Variants in ACTR3C observed in about 807,000 individuals in gnomAD.
ACTR3C encodes the protein actin related protein 3C, also known as actin-related protein 3C.
A neutral mutation model predicts 26.3 loss-of-function variants in ACTR3C; 18 were observed. The observed-to-expected ratio is 0.68, with a 90% confidence interval of 0.47 to 1.01. ACTR3C has a LOEUF of 1.01. ACTR3C is among the 50% of genes least tolerant of loss of function. The pLI is 0.00. For synonymous variants in ACTR3C, 55 were observed against 94.5 expected, an observed-to-expected ratio of 0.58 and a Z score of 2.42; for missense variants, 184 against 250.7, an observed-to-expected ratio of 0.73 and a Z score of 1.80.
At chr7:150,196,708 G>T in the ACTR3C span, among the ~76,000 whole-genome samples, 1 of 151,862 alleles carries the variant, frequency 6.6e-6, no homozygotes, top group Non-Finnish European at 1.5e-5. Context: ...CCTACTCCTT[G>T]GCCTTTCTTT....
chr7:150,317,911 G>A (rs74936507), intron 1 of ACTR3C, among the ~76,000 whole-genome samples: 1 of 151,912 alleles, frequency 6.6e-6, no homozygotes, highest in East Asian at 1.9e-4. Context: ...TCCTTGCAAG[G>A]AGGAGGAAAG....
At chr7:150,008,125 CT>C in the ACTR3C span, among the ~76,000 whole-genome samples, 3 of 152,230 alleles carry the variant, frequency 2.0e-5, no homozygotes, top group Non-Finnish European at 4.4e-5. Context: ...AAATGTTGGA[CT>C]TGCATTCAGC....
At chr7:150,101,478 A>G in the ACTR3C span, among the ~76,000 whole-genome samples, 1 of 151,736 alleles carries the variant, frequency 6.6e-6, no homozygotes, top group Non-Finnish European at 1.5e-5. Context: ...ACTCAGAAGC[A>G]TTGATACTGC....
chr7:150,147,210 A>G, the ACTR3C span, among the ~76,000 whole-genome samples: 1 of 152,222 alleles, frequency 6.6e-6, no homozygotes, highest in African/African-American at 2.4e-5. Context: ...AGAACTAAGT[A>G]ACGTGATTAT....
intron 1 of ACTR3C, among the ~76,000 whole-genome samples, chr7:150,305,863 C>T (rs1252334847): frequency 6.6e-6 from 1 of 152,176 alleles, no homozygotes; most frequent in Non-Finnish European, 1.5e-5. Flanking sequence ...ATTCTGTGAG[C>T]TCCTGTGGGG....
chr7:150,124,945 A>G, the ACTR3C span, among the ~76,000 whole-genome samples: 1 of 152,210 alleles, frequency 6.6e-6, no homozygotes, highest in African/African-American at 2.4e-5. Flanking sequence ...AGGCTAAGAG[A>G]GGTTTCATAA....
the ACTR3C span, among the ~76,000 whole-genome samples, chr7:150,222,939 C>T: frequency 6.6e-6 from 1 of 152,178 alleles, no homozygotes; most frequent in Admixed American, 6.5e-5. Flanking sequence ...TTTTCCTTTG[C>T]TTTCTTTTAT....
the ACTR3C span, among the ~76,000 whole-genome samples, chr7:149,946,158 C>A: frequency 6.6e-6 from 1 of 152,332 alleles, no homozygotes; most frequent in East Asian, 1.9e-4. Context: ...CATGGAGGAC[C>A]TGGCCTGGGC....
chr7:149,904,716 G>C, the ACTR3C span, among the ~76,000 whole-genome samples: 67,978 of 145,644 alleles, frequency 0.47, 18,074 homozygotes, highest in South Asian at 0.72. Context: ...ATAATCAAGG[G>C]CGGGCACAGT....
chr7:150,199,783 G>A, the ACTR3C span, among the ~76,000 whole-genome samples: 19 of 144,534 alleles, frequency 1.3e-4, no homozygotes, highest in East Asian at 3.8e-3. Flanking sequence ...ATTGTGTGAG[G>A]TAACAGATGT....
the ACTR3C span, among the ~76,000 whole-genome samples, chr7:150,148,904 C>T: frequency 6.6e-6 from 1 of 151,464 alleles, no homozygotes; most frequent in South Asian, 2.1e-4. Context: ...CTAGTGCTGG[C>T]GTTGCCCCCT....
At chr7:150,121,880 T>G in the ACTR3C span, among the ~76,000 whole-genome samples, 9 of 152,212 alleles carry the variant, frequency 5.9e-5, no homozygotes, top group African/African-American at 1.7e-4. Flanking sequence ...GCAAAACAGA[T>G]ATATCAACCA....
At chr7:150,311,947 G>T (rs1478292828) in intron 1 of ACTR3C, among the ~76,000 whole-genome samples, 1 of 152,192 alleles carries the variant, frequency 6.6e-6, no homozygotes, top group African/African-American at 2.4e-5. Context: ...ACTGAAAGAG[G>T]TTTTCTCACC....
intron 6 of ACTR3C, among the ~76,000 whole-genome samples, chr7:150,266,128 GT>G (rs1834018841): frequency 6.1e-5 from 9 of 148,118 alleles, no homozygotes; most frequent in African/African-American, 2.1e-4. Flanking sequence ...TCTGTAATAG[GT>G]TTTTTAACTA....
At position 150,303,242 on chromosome 7, in the gene ACTR3C, C is replaced by T. The variant is rs576474580; in HGVS notation, c.-51-7895G>A. Among the ~76,000 whole-genome samples the T allele has an allele frequency of 4.6e-5, 7 of 152,300 alleles. No homozygotes were observed. The South Asian group carries it at 1.5e-3, about 32-fold the overall frequency. ...GTAGACTCAAGTCGTAGACTTGCCT[C>T]CTGCCCTTAACACCCTCCTCCTTCC... On this transcript the variant is annotated intron_variant, in intron 1 of 7. Transcript: ENST00000683684.
At chr7:150,112,906 A>G in the ACTR3C span, among the ~76,000 whole-genome samples, 1 of 152,064 alleles carries the variant, frequency 6.6e-6, no homozygotes, top group Admixed American at 6.5e-5. Flanking sequence ...GCGACAAAGC[A>G]CCCCATGTAT....
chr7:150,264,035 T>TA (rs1006044206), intron 6 of ACTR3C, among the ~76,000 whole-genome samples: 1 of 152,226 alleles, frequency 6.6e-6, no homozygotes, highest in African/African-American at 2.4e-5. Context: ...GGCGTCCCTG[T>TA]ACTCCACTTT....
At chr7:150,275,363 T>C (rs1239942922) in intron 6 of ACTR3C, among the ~76,000 whole-genome samples, 1 of 152,206 alleles carries the variant, frequency 6.6e-6, no homozygotes, top group Non-Finnish European at 1.5e-5. Context: ...AGAGGACATA[T>C]CTATCCACCT....
chr7:149,924,782 C>T, the ACTR3C span, among the ~76,000 whole-genome samples: 1 of 151,040 alleles, frequency 6.6e-6, no homozygotes, highest in East Asian at 2.0e-4. Context: ...TGTGCCACCA[C>T]GCCCAGCTAA....
Sources: gnomAD v4.1 joint callset for allele counts (sites outside exome capture counted in the v4.1 genomes callset) on GRCh38, gnomAD v4.1.1 for gene constraint, MANE v1.5 for transcripts, NCBI Gene and HGNC (gene_info 2026-07-23, HGNC 2026-07-21) for gene names.